MYLK4: variants seen among roughly 807,000 people sequenced by gnomAD.
MYLK4 encodes myosin light chain kinase family member 4, also known as caMLCK like.
MYLK4 carries 46 observed loss-of-function variants against 48.1 expected under a neutral mutation model. The observed-to-expected ratio is 0.96, with a 90% CI of 0.75 to 1.22. The LOEUF (loss-of-function observed/expected upper bound fraction) is 1.22. MYLK4 is among the 50% of genes most tolerant of loss of function. The probability of loss-of-function intolerance (pLI) is 0.00; values close to 1 mark genes in which losing one functional copy is unlikely to be tolerated. For synonymous variants in MYLK4, 170 were observed against 180.8 expected (o/e 0.94, Z 0.48); for missense variants, 451 against 486.1 (o/e 0.93, Z 0.68).
At chr6:2,691,740 T>G (rs1294107986) in intron 3 of MYLK4, among the ~76,000 whole-genome samples, 1 of 152,262 alleles carries the variant, frequency 6.6e-6, no homozygotes, top group Non-Finnish European at 1.5e-5. Context: ...TTAATCATCA[T>G]CTTTGTCTAC....
chr6:2,735,759 T>C (rs1763648441), intron 2 of MYLK4, among the ~76,000 whole-genome samples: 1 of 152,154 alleles, frequency 6.6e-6, no homozygotes, highest in African/African-American at 2.4e-5. Flanking sequence ...TCAACTGTGG[T>C]GGGATTTAAA....
intron 2 of MYLK4, among the ~76,000 whole-genome samples, chr6:2,716,517 C>A (rs899192119): frequency 1.3e-5 from 2 of 152,276 alleles, no homozygotes; most frequent in South Asian, 2.1e-4. Flanking sequence ...CAGTTATTTT[C>A]TGTAGTTTGA....
chr6:2,765,633 G>C, the MYLK4 span: 8 of 1,536,620 alleles, frequency 5.2e-6, no homozygotes, highest in Non-Finnish European at 7.0e-6. Context: ...ATGGAGGTGA[G>C]CGGGCCGGAA....
chr6:2,697,804 G>A lies in MYLK4; in HGVS notation c.160-4945C>T, dbSNP rs374845888. Among the ~76,000 whole-genome samples, 9 of 152,318 alleles carry A rather than the reference G, an allele frequency of 5.9e-5. No homozygotes were observed. In the East Asian group the frequency reaches 1.3e-3, roughly 23 times the overall value. The stretch of plus-strand genomic sequence containing the variant: ...GCGTTCTCAATGTGTCTGTCTGCCC[G>A]CTGGCATACGGACCCTTCTCTTCCC... On this transcript the variant is annotated intron_variant, in intron 2 of 12. Coordinates refer to ENST00000274643, the MANE Select transcript of MYLK4 (RefSeq NM_001012418.5).
chr6:2,685,344 A>T lies in MYLK4; in HGVS notation c.497T>A (p.Leu166Gln). 6.2e-7 allele frequency: 1 copy of T among 1,613,794 alleles called. No individual in the cohort carries two copies. The highest frequency in any genetic ancestry group is 1.7e-5 in the Admixed American group (1 of 60,006). ...NQLDHANLIQLYDAFESKNDI... is the reference protein window; with the variant it reads ...NQLDHANLIQQYDAFESKNDI... ...GTTCTTAGACTCGAAGGCATCGTAC[A>T]GCTGGATGAGGTTCGCGTGGTCCAG... The change falls in exon 6 of 13, where the codon CTG (leucine) becomes CAG (glutamine). Residue 166 changes from leucine to glutamine, a missense_variant. Leu to Gln is a moderately radical substitution (Grantham distance 113, BLOSUM62 -2). Coordinates refer to ENST00000274643, the MANE Select transcript of MYLK4 (RefSeq NM_001012418.5). This position sits in a 1 kb window ranked among gnomAD's most constrained non-coding sequence, Gnocchi z 4.5.
chr6:2,694,915 A>G (rs1461212493), intron 2 of MYLK4, among the ~76,000 whole-genome samples: 1 of 152,140 alleles, frequency 6.6e-6, no homozygotes, highest in Non-Finnish European at 1.5e-5. Context: ...GGAAAAAAAA[A>G]GATAGAAAGA....
intron 3 of MYLK4, among the ~76,000 whole-genome samples, chr6:2,690,871 C>T (rs1431878775): frequency 2.2e-5 from 3 of 139,288 alleles, no homozygotes; most frequent in African/African-American, 8.3e-5. Flanking sequence ...GCTCTGTCGC[C>T]CAGGCTGGAG....
chr6:2,692,669 C>T, intron 3 of MYLK4, 115 bp downstream of exon 3: 1 of 292,492 alleles, frequency 3.4e-6, no homozygotes, highest in Non-Finnish European at 5.4e-6. Context: ...TTTTTATAAA[C>T]ATCACTTCTT....
At chr6:2,701,422 C>G (rs78108765) in intron 2 of MYLK4, among the ~76,000 whole-genome samples, 1,531 of 152,250 alleles carry the variant, frequency 0.01, 22 homozygotes, top group African/African-American at 0.035. Context: ...GAGGTGTGGT[C>G]CCCTGGACTG....
the MYLK4 span, chr6:2,765,894 GCAGCGA>G: frequency 6.9e-7 from 1 of 1,454,996 alleles, no homozygotes; most frequent in Non-Finnish European, 9.0e-7. Flanking sequence ...GCAGCCGAGA[GCAGCGA>G]GGGCGAGGGT....
At chr6:2,688,262 T>A (rs1761635597) in intron 4 of MYLK4, among the ~76,000 whole-genome samples, 1 of 152,158 alleles carries the variant, frequency 6.6e-6, no homozygotes, top group Non-Finnish European at 1.5e-5. Flanking sequence ...TTTCACCATG[T>A]TGGCCAGGAT....
chr6:2,695,855 G>A (rs1185902767), intron 2 of MYLK4, among the ~76,000 whole-genome samples: 1 of 152,142 alleles, frequency 6.6e-6, no homozygotes, highest in Non-Finnish European at 1.5e-5. Context: ...CTTGTTTATT[G>A]TCCAAAAATG....
intron 2 of MYLK4, among the ~76,000 whole-genome samples, chr6:2,720,856 T>A (rs1001389240): frequency 6.6e-6 from 1 of 151,926 alleles, no homozygotes; most frequent in Non-Finnish European, 1.5e-5. Flanking sequence ...TAATAGGAGT[T>A]CCAGAACAAG....
At chr6:2,763,311 C>T in the MYLK4 span, among the ~76,000 whole-genome samples, 5 of 152,270 alleles carry the variant, frequency 3.3e-5, no homozygotes, top group Admixed American at 6.5e-5. Flanking sequence ...TATAGAGTTG[C>T]TTGCTAGTCC....
intron 3 of MYLK4, among the ~76,000 whole-genome samples, chr6:2,690,081 CT>C (rs1393228498): frequency 2.6e-5 from 4 of 152,154 alleles, no homozygotes; most frequent in Non-Finnish European, 4.4e-5. Context: ...GAAATTTAGT[CT>C]GTAATGCTTG....
upstream of MYLK4, among the ~76,000 whole-genome samples, chr6:2,751,375 A>T (rs1282430923): frequency 6.6e-6 from 1 of 152,240 alleles, no homozygotes; most frequent in South Asian, 2.1e-4. Flanking sequence ...CTCAGTTCTT[A>T]AAGATGTTTG....
chr6:2,688,183 C>G (rs1038931723), intron 4 of MYLK4, among the ~76,000 whole-genome samples: 1 of 152,012 alleles, frequency 6.6e-6, no homozygotes, highest in African/African-American at 2.4e-5. Context: ...CTCAGCCTCC[C>G]GAGTAGCTGG....
At chr6:2,689,820 T>A (rs555270679) in intron 3 of MYLK4, among the ~76,000 whole-genome samples, 1 of 152,350 alleles carries the variant, frequency 6.6e-6, no homozygotes, top group East Asian at 1.9e-4. Context: ...TTATTTGACA[T>A]ATGTTTCTTG....
At chr6:2,694,010 C>T (rs924772228) in intron 2 of MYLK4, among the ~76,000 whole-genome samples, 7 of 152,264 alleles carry the variant, frequency 4.6e-5, no homozygotes, top group African/African-American at 9.6e-5. Context: ...CCGCCTGCCC[C>T]GGCCTCCCAA....
Sources: allele counts gnomAD v4.1 joint callset (sites outside exome capture counted in the v4.1 genomes callset), GRCh38; gene constraint gnomAD v4.1.1; non-coding constraint Gnocchi (gnomAD v3.1); transcripts MANE v1.5; gene names NCBI Gene and HGNC (gene_info 2026-07-23, HGNC 2026-07-21).